TARS3: variants seen among roughly 807,000 people sequenced by gnomAD.
TARS3 encodes the protein threonyl-tRNA synthetase 3.
In TARS3, 94 loss-of-function variants were observed where a neutral mutation model predicts 103.5. The ratio of observed to expected loss-of-function variants is 0.91; its 90% CI spans 0.77 to 1.08. The LOEUF (loss-of-function observed/expected upper bound fraction) is 1.08. Ranked by LOEUF, TARS3 falls within the 50% of genes least tolerant of loss-of-function variation. TARS3 has a pLI of 0.00. For missense variants in TARS3, 952 were observed against 995.2 expected, an observed-to-expected ratio of 0.96 and a Z score of 0.58; for synonymous variants, 416 against 355.4, an observed-to-expected ratio of 1.17 and a Z score of -1.92.
chr15:101,682,367 C>T (rs760681469), intron 12 of TARS3, among the ~76,000 whole-genome samples: 2 of 152,106 alleles, frequency 1.3e-5, no homozygotes, highest in African/African-American at 2.4e-5. Context: ...CTTTTCCCTG[C>T]ATCTACTGAG....
Position 101,703,944 on chromosome 15 carries a change from T to G in TARS3, c.996-7A>C, listed in dbSNP as rs756468289. ...GTCAATTAATGGACCGCACCTATAATGAAATATTTAGGACATGCTCAGGCA... is the reference window on the plus strand; with the variant it reads ...GTCAATTAATGGACCGCACCTATAAGGAAATATTTAGGACATGCTCAGGCA... On this transcript the variant is annotated splice_region_variant and splice_polypyrimidine_tract_variant and intron_variant, in intron 7 of 18. Transcript: ENST00000335968. 5 of 1,600,238 alleles carry G rather than the reference T, an allele frequency of 3.1e-6. No individual in the cohort carries two copies. The highest frequency in any genetic ancestry group is 4.3e-6 in the Non-Finnish European group (5 of 1,167,892).
chr15:101,723,233 A>G, intron 1 of TARS3, 69 bp from the exon 2 acceptor site: 3 of 1,445,314 alleles, frequency 2.1e-6, no homozygotes, highest in Non-Finnish European at 2.9e-6. Flanking sequence ...GAAGAGAGTC[A>G]TGCCAGCAGG....
chr15:101,710,599 C>G (rs1361945409), intron 5 of TARS3, among the ~76,000 whole-genome samples: 1 of 152,154 alleles, frequency 6.6e-6, no homozygotes, highest in East Asian at 1.9e-4. Flanking sequence ...GGGAAAAAAC[C>G]CACACCTTTG....
chr15:101,704,877 GT>G (rs138196844), intron 7 of TARS3, among the ~76,000 whole-genome samples: 16,947 of 151,966 alleles, frequency 0.11, 1,259 homozygotes, highest in Admixed American at 0.16. Context: ...GAAATGCACC[GT>G]GCATAGCTTT....
intron 12 of TARS3, among the ~76,000 whole-genome samples, chr15:101,680,339 C>T (rs1307475586): frequency 2.0e-5 from 3 of 152,170 alleles, no homozygotes; most frequent in Non-Finnish European, 4.4e-5. Context: ...TTTCCTAGTC[C>T]TTTGGCTACA....
At chr15:101,677,870 G>A (rs1439674475) in intron 12 of TARS3, among the ~76,000 whole-genome samples, 14 of 152,064 alleles carry the variant, frequency 9.2e-5, no homozygotes, top group African/African-American at 3.1e-4. Flanking sequence ...AACCTCAGGT[G>A]ATCCACCCAC....
chr15:101,724,423 G>A lies in TARS3; in HGVS notation c.-36C>T, dbSNP rs778247215. 1 of 1,365,536 alleles carries A rather than the reference G, an allele frequency of 7.3e-7. No individual in the cohort carries two copies. Among genetic ancestry groups the A allele is most frequent in the Non-Finnish European group, 9.4e-7 (1 of 1,066,728 alleles). The allele number at this position is 1,365,536 out of a possible 1,614,324, so 84.6% of individuals were successfully genotyped here. A position where few individuals can be genotyped will look rare whatever the true frequency, so the allele number is the denominator to read the frequency against. Reference sequence around the variant, plus strand: ...CTCAGGCACCGACGCCGAGCGGGGTGCCCGCGACTGCGGCGAGGGCGACGC... The same window carrying A: ...CTCAGGCACCGACGCCGAGCGGGGTACCCGCGACTGCGGCGAGGGCGACGC... On this transcript the variant is annotated 5_prime_UTR_variant, in exon 1 of 19. Transcript: ENST00000335968.
rs117783797 is a variant in TARS3 at position 101,706,011 on chromosome 15, T to G, written c.931-264A>C. Among the ~76,000 whole-genome samples the G allele has an allele frequency of 1.8e-4, 28 of 152,288 alleles. No homozygotes were observed. In the East Asian group the frequency reaches 5.0e-3, roughly 27 times the overall value. ...CAGAGTCTCACTCCCTCACCCAGGC[T>G]AGGGTGCAGTGCCACCATCTTGGCT... On this transcript the variant is annotated intron_variant, in intron 6 of 18. Coordinates refer to ENST00000335968, the MANE Select transcript of TARS3 (RefSeq NM_152334.3).
chr15:101,691,083 C>G (rs572797536), intron 10 of TARS3, among the ~76,000 whole-genome samples: 1 of 148,214 alleles, frequency 6.7e-6, no homozygotes, highest in Admixed American at 6.7e-5. Context: ...GGACTACAGG[C>G]GCCCACCACC....
intron 5 of TARS3, among the ~76,000 whole-genome samples, chr15:101,711,629 A>C (rs1445182205): frequency 6.6e-6 from 1 of 152,210 alleles, no homozygotes; most frequent in Non-Finnish European, 1.5e-5. Flanking sequence ...TATATGATAC[A>C]CCTAAGATAC....
intron 15 of TARS3, among the ~76,000 whole-genome samples, chr15:101,663,169 C>T (rs184441904): frequency 4.9e-4 from 74 of 152,104 alleles, no homozygotes; most frequent in African/African-American, 1.7e-3. Context: ...GGTGGTCCCA[C>T]GAGATTATAA....
Position 101,721,176 on chromosome 15 carries a change from C to A in TARS3, c.516G>T (p.Val172=). ...ITVRVADGQT[V]QGEVWKTTPY... ...GCGTTGTTTTCCAGACTTCCCCTTG[C>A]ACTGTTTGCCCATCAGCCACTCTTA... The change falls in exon 3 of 19, where the codon GTG becomes GTT. Residue 172 remains valine (V), a synonymous_variant. Transcript: ENST00000335968. The A allele has an allele frequency of 6.2e-7, 1 of 1,612,884 alleles. No homozygotes were observed. Among genetic ancestry groups the A allele is most frequent in the Non-Finnish European group, 8.5e-7 (1 of 1,178,974 alleles).
intron 12 of TARS3, among the ~76,000 whole-genome samples, chr15:101,683,190 A>G (rs1259492761): frequency 1.3e-5 from 2 of 152,002 alleles, no homozygotes; most frequent in Non-Finnish European, 2.9e-5. Context: ...TTCTATCTTA[A>G]GTAAAAGCTA....
chr15:101,660,318 A>C (rs1367006647), intron 16 of TARS3, among the ~76,000 whole-genome samples: 1 of 152,242 alleles, frequency 6.6e-6, no homozygotes, highest in South Asian at 2.1e-4. Flanking sequence ...GCATTTCCAC[A>C]TACTAGGATA....
chr15:101,683,567 T>C (rs2141405494), intron 12 of TARS3, among the ~76,000 whole-genome samples: 1 of 152,332 alleles, frequency 6.6e-6, no homozygotes, highest in East Asian at 1.9e-4. Flanking sequence ...ATGTGTAAGA[T>C]GTACCTCCCT....
chr15:101,699,964 A>G (rs1407345000), intron 10 of TARS3, among the ~76,000 whole-genome samples: 1 of 152,220 alleles, frequency 6.6e-6, no homozygotes, highest in African/African-American at 2.4e-5. Flanking sequence ...ATGATGATGA[A>G]AAGAAGTCCT....
chr15:101,724,019 A>G, intron 1 of TARS3, 72 bp downstream of exon 1: 2 of 1,295,198 alleles, frequency 1.5e-6, no homozygotes, highest in Non-Finnish European at 2.0e-6. Flanking sequence ...CCCGCAGTTG[A>G]AAACCTTTCG....
In TARS3 at chr15:101,718,313, A is replaced by C. The variant is rs1317543989; in HGVS notation, c.566+2813T>G. Among the ~76,000 whole-genome samples, 4 of 151,618 alleles carry C rather than the reference A, an allele frequency of 2.6e-5. No individual in the cohort carries two copies. In the South Asian group the frequency reaches 6.3e-4, roughly 24 times the overall value. On this transcript the variant is annotated intron_variant, in intron 3 of 18. Coordinates refer to ENST00000335968, the MANE Select transcript of TARS3 (RefSeq NM_152334.3). ...AAACCGGAGGGCGGAGGTTGTGGTG[A>C]GCCAAGATCGAGAAAAGGGGCGGGG...
At chr15:101,659,180 A>G (rs1897288173) in intron 16 of TARS3, among the ~76,000 whole-genome samples, 1 of 152,210 alleles carries the variant, frequency 6.6e-6, no homozygotes, top group African/African-American at 2.4e-5. Context: ...GGTAGGTATA[A>G]ACAGTGTCCG....
Sources: allele counts gnomAD v4.1 joint callset (sites outside exome capture counted in the v4.1 genomes callset), GRCh38; gene constraint gnomAD v4.1.1; transcripts MANE v1.5; gene names NCBI Gene and HGNC (gene_info 2026-07-23, HGNC 2026-07-21).